SEC22C: variants seen among roughly 807,000 people sequenced by gnomAD.
SEC22C encodes vesicle-trafficking protein SEC22c.
In SEC22C, 29 loss-of-function variants were observed where a neutral mutation model predicts 34.7. That is an observed-to-expected ratio of 0.84 (90% confidence interval 0.62 to 1.14). The LOEUF is 1.14. Ranked by LOEUF, SEC22C falls within the 50% of genes most tolerant of loss-of-function variation. The pLI is 0.00. For missense variants in SEC22C, 337 were observed against 369.0 expected (o/e 0.91, Z 0.71); for synonymous variants, 117 against 132.8 (o/e 0.88, Z 0.82).
chr3:42,591,068 CTG>C (rs1167657210), intron 1 of SEC22C: 6 of 1,328,674 alleles, frequency 4.5e-6, no homozygotes, highest in African/African-American at 4.4e-5. Flanking sequence ...TCCCAGCTGA[CTG>C]TGAAGGGTGC....
intron 2 of SEC22C, chr3:42,564,394 T>C: frequency 6.5e-6 from 1 of 155,022 alleles, no homozygotes; most frequent in Non-Finnish European, 1.4e-5. Flanking sequence ...TGCTGAGAAC[T>C]CATCCCTATG....
chr3:42,553,793 G>T (rs1250252926), intron 6 of SEC22C, among the ~76,000 whole-genome samples: 2 of 152,318 alleles, frequency 1.3e-5, no homozygotes, highest in East Asian at 3.9e-4. Flanking sequence ...GCAGACAGGG[G>T]ACCCTAACGT....
At chr3:42,599,669 G>A (rs953236428) in intron 1 of SEC22C, among the ~76,000 whole-genome samples, 8 of 151,134 alleles carry the variant, frequency 5.3e-5, no homozygotes, top group Admixed American at 1.3e-4. Flanking sequence ...TCCAGCCTGG[G>A]CGACAGAGCG....
chr3:42,595,387 C>T (rs1704998910), intron 1 of SEC22C, among the ~76,000 whole-genome samples: 1 of 152,108 alleles, frequency 6.6e-6, no homozygotes, highest in Admixed American at 6.5e-5. Context: ...AATTATGTGC[C>T]ACTATCATCC....
intron 1 of SEC22C, among the ~76,000 whole-genome samples, chr3:42,575,715 A>T (rs1703918129): frequency 6.6e-6 from 1 of 152,250 alleles, no homozygotes; most frequent in East Asian, 1.9e-4. Context: ...TGATAAGACA[A>T]GTAAACAGAA....
At chr3:42,574,167 A>G (rs1209466882) in intron 1 of SEC22C, among the ~76,000 whole-genome samples, 1 of 152,138 alleles carries the variant, frequency 6.6e-6, no homozygotes, top group East Asian at 1.9e-4. Context: ...AATTTCTCAT[A>G]GAAAACATGG....
In SEC22C at chr3:42,568,965, G is replaced by C; in HGVS notation, c.82C>G (p.Gln28Glu). The C allele has an allele frequency of 1.9e-6, 3 of 1,614,100 alleles. No homozygotes were observed. The highest frequency in any genetic ancestry group is 2.5e-6 in the Non-Finnish European group (3 of 1,180,008). ...LSASTDFYHT[Q>E]DFLEWRRRLK... is the part of the protein sequence containing the mutation. Reference sequence around the variant, plus strand: ...CGTCTCCTCCATTCCAAAAAATCTTGGGTGTGGTAAAAATCAGTAGAGGCT... The same window carrying C: ...CGTCTCCTCCATTCCAAAAAATCTTCGGTGTGGTAAAAATCAGTAGAGGCT... The change falls in exon 2 of 7, where the codon CAA (glutamine) becomes GAA (glutamate). Residue 28 changes from glutamine to glutamate, a missense_variant. Gln to Glu is a conservative substitution (Grantham distance 29, BLOSUM62 2). Coordinates refer to ENST00000264454, the MANE Select transcript of SEC22C (RefSeq NM_032970.4).
chr3:42,595,391 A>G (rs890768038), intron 1 of SEC22C, among the ~76,000 whole-genome samples: 13 of 152,220 alleles, frequency 8.5e-5, no homozygotes, highest in Non-Finnish European at 1.9e-4. Context: ...ATGTGCCACT[A>G]TCATCCACTT....
chr3:42,591,131 G>C (rs1458357119), intron 1 of SEC22C: 1 of 720,718 alleles, frequency 1.4e-6, no homozygotes, highest in Non-Finnish European at 2.4e-6. Context: ...CACAGGCGCC[G>C]GGGCAGGACC....
At chr3:42,590,693 C>A (rs1435966916) in intron 1 of SEC22C, 2 of 627,978 alleles carry the variant, frequency 3.2e-6, no homozygotes, top group Non-Finnish European at 5.6e-6. Context: ...ACTGCGCAAG[C>A]GCAAAGGATA....
At chr3:42,555,263 C>T (rs922410260) in intron 6 of SEC22C, among the ~76,000 whole-genome samples, 7 of 151,436 alleles carry the variant, frequency 4.6e-5, no homozygotes, top group Non-Finnish European at 7.4e-5. Flanking sequence ...AGGAGAATGG[C>T]GTGAACCCGG....
chr3:42,567,740 AC>A (rs1378257530), intron 2 of SEC22C, among the ~76,000 whole-genome samples: 1 of 152,166 alleles, frequency 6.6e-6, no homozygotes, highest in Non-Finnish European at 1.5e-5. Flanking sequence ...ACCTACTCTC[AC>A]TTATTTTTCA....
At chr3:42,583,494 T>A (rs945085556), upstream of SEC22C, among the ~76,000 whole-genome samples, 1 of 152,148 alleles carries the variant, frequency 6.6e-6, no homozygotes, top group South Asian at 2.1e-4. Context: ...ATAAGATTGA[T>A]CTTGAGCTCC....
In SEC22C at chr3:42,551,684, T is replaced by C. The variant is rs894447099; in HGVS notation, c.*1564A>G. On this transcript the variant is annotated 3_prime_UTR_variant, in exon 7 of 7. Coordinates refer to ENST00000264454, the MANE Select transcript of SEC22C (RefSeq NM_032970.4). ...TGGTCAAAAATAGAAAATTCTATTATAAAAAATAAAGTTACTATGGCAACA... is the reference window on the plus strand; with the variant it reads ...TGGTCAAAAATAGAAAATTCTATTACAAAAAATAAAGTTACTATGGCAACA... 1 of 963,882 alleles carries C rather than the reference T, an allele frequency of 1.0e-6. No homozygotes were observed. Among genetic ancestry groups the C allele is most frequent in the Admixed American group, 6.2e-5 (1 of 16,222 alleles). 59.7% of individuals were successfully genotyped at this position (963,882 alleles called of 1,614,324 possible).
At chr3:42,556,341 C>A (rs1272521330) in intron 5 of SEC22C, among the ~76,000 whole-genome samples, 1 of 152,252 alleles carries the variant, frequency 6.6e-6, no homozygotes, top group African/African-American at 2.4e-5. Context: ...AGGATTGCCA[C>A]CATACACTGT....
chr3:42,600,940 G>C, intron 1 of SEC22C: 38 of 924,784 alleles, frequency 4.1e-5, no homozygotes, highest in Non-Finnish European at 5.2e-5. Flanking sequence ...CCTCGCCCCC[G>C]CCCTCGCCCC....
Position 42,575,077 on chromosome 3 carries a change from G to T in SEC22C, c.-27-6004C>A, listed in dbSNP as rs576191827. On this transcript the variant is annotated intron_variant, in intron 1 of 6. Transcript: ENST00000264454. Reference sequence around the variant, plus strand: ...TGCCACAGCTGGTCTTGAATTCCTGGTCTCAAGCAATCCTCCCATCTCAGC... The same window carrying T: ...TGCCACAGCTGGTCTTGAATTCCTGTTCTCAAGCAATCCTCCCATCTCAGC... Among the ~76,000 whole-genome samples, 440 of 152,258 alleles carry T rather than the reference G, an allele frequency of 2.9e-3. 1 individual carries two copies. The highest frequency in any genetic ancestry group is 5.5e-3 in the Non-Finnish European group (371 of 68,026).
chr3:42,589,627 A>G (rs1282987023), intron 1 of SEC22C, among the ~76,000 whole-genome samples: 1 of 152,224 alleles, frequency 6.6e-6, no homozygotes, highest in Non-Finnish European at 1.5e-5. Flanking sequence ...CAGCGGGAGC[A>G]TTAGATTCTC....
chr3:42,587,653 A>C (rs955012324), intron 1 of SEC22C: 1 of 151,474 alleles, frequency 6.6e-6, no homozygotes, highest in Admixed American at 6.6e-5. Flanking sequence ...GGAGAATGGC[A>C]TGAACCTGGG....
Sources: gnomAD v4.1 joint callset for allele counts (sites outside exome capture counted in the v4.1 genomes callset) on GRCh38, gnomAD v4.1.1 for gene constraint, MANE v1.5 for transcripts, NCBI Gene and HGNC (gene_info 2026-07-23, HGNC 2026-07-21) for gene names.